EYS: variants seen among roughly 807,000 people sequenced by gnomAD.
EYS encodes protein eyes shut homolog.
Under a neutral mutation model 282.1 loss-of-function variants are expected in EYS, and 250 were observed. The observed-to-expected ratio is 0.89, with a 90% confidence interval of 0.80 to 0.98. The LOEUF (loss-of-function observed/expected upper bound fraction) is 0.98. Among genes scored for constraint, EYS ranks in the 50% least tolerant of loss-of-function variants. EYS has a pLI of 0.00. For missense variants in EYS, 4,016 were observed against 3,709.0 expected, an observed-to-expected ratio of 1.08 and a Z score of -2.15; for synonymous variants, 1,355 against 1,282.9, an observed-to-expected ratio of 1.06 and a Z score of -1.20.
intron 22 of EYS, among the ~76,000 whole-genome samples, chr6:64,648,582 C>G (rs1334559584): frequency 1.3e-5 from 2 of 152,112 alleles, no homozygotes; most frequent in Admixed American, 1.3e-4. Flanking sequence ...TAACACAGTA[C>G]TTCTAAGAGT....
At chr6:65,068,740 T>G (rs564136473) in intron 12 of EYS, among the ~76,000 whole-genome samples, 1 of 152,166 alleles carries the variant, frequency 6.6e-6, no homozygotes, top group African/African-American at 2.4e-5. Context: ...ATGTTACCAA[T>G]TTTTACTTGT....
intron 26 of EYS, among the ~76,000 whole-genome samples, chr6:64,575,104 A>G (rs945492205): frequency 6.6e-6 from 1 of 152,176 alleles, no homozygotes; most frequent in African/African-American, 2.4e-5. Flanking sequence ...AGTGTGATTG[A>G]AAATCAAACA....
intron 5 of EYS, among the ~76,000 whole-genome samples, chr6:65,457,713 G>A (rs181297197): frequency 2.6e-5 from 4 of 152,088 alleles, no homozygotes; most frequent in Non-Finnish European, 5.9e-5. Flanking sequence ...ACATTGTCAC[G>A]GAATCAAGCT....
intron 1 of EYS, among the ~76,000 whole-genome samples, chr6:65,693,766 G>A (rs996957331): frequency 3.2e-4 from 48 of 149,946 alleles, no homozygotes; most frequent in African/African-American, 1.1e-3. Context: ...TGAAGTAAAC[G>A]CAATGAGATA....
intron 12 of EYS, among the ~76,000 whole-genome samples, chr6:65,074,778 G>A (rs567493588): frequency 6.6e-6 from 1 of 152,092 alleles, no homozygotes; most frequent in African/African-American, 2.4e-5. Flanking sequence ...ATAATTGACT[G>A]CTGAGACAGG....
intron 28 of EYS, among the ~76,000 whole-genome samples, chr6:64,433,631 T>G (rs761083902): frequency 1.1e-4 from 17 of 152,038 alleles, no homozygotes; most frequent in Non-Finnish European, 2.2e-4. Flanking sequence ...CAATGGTGTA[T>G]GTAAATTGAA....
chr6:64,941,788 CTT>C (rs1181725504), intron 15 of EYS, among the ~76,000 whole-genome samples: 6 of 152,080 alleles, frequency 3.9e-5, no homozygotes, highest in African/African-American at 1.4e-4. Context: ...AAGAACATGA[CTT>C]TGTTCTTCTT....
intron 22 of EYS, among the ~76,000 whole-genome samples, chr6:64,789,083 A>G (rs777237429): frequency 6.6e-6 from 1 of 152,182 alleles, no homozygotes; most frequent in Non-Finnish European, 1.5e-5. Context: ...TTCCTATGCT[A>G]CTATACAATG....
chr6:65,266,468 T>TTGCA (rs1767755413), intron 12 of EYS, among the ~76,000 whole-genome samples: 1 of 151,948 alleles, frequency 6.6e-6, no homozygotes. Flanking sequence ...CAAAGATTTG[T>TTGCA]TGCATGCATG....
intron 26 of EYS, among the ~76,000 whole-genome samples, chr6:64,552,004 A>G (rs564788246): frequency 6.6e-6 from 1 of 152,138 alleles, no homozygotes; most frequent in Admixed American, 6.5e-5. Flanking sequence ...TCCTGACTTC[A>G]CGTGATTCAC....
At chr6:64,703,055 T>G (rs989641127) in intron 22 of EYS, among the ~76,000 whole-genome samples, 4 of 151,920 alleles carry the variant, frequency 2.6e-5, no homozygotes, top group African/African-American at 9.7e-5. Context: ...CTTCAGAAAT[T>G]TTGCTGTAAT....
intron 33 of EYS, among the ~76,000 whole-genome samples, chr6:64,057,532 C>T (rs1473754442): frequency 6.6e-6 from 1 of 152,022 alleles, no homozygotes; most frequent in Non-Finnish European, 1.5e-5. Flanking sequence ...CAATAGCTTT[C>T]TAACATTTCA....
At chr6:65,018,226 T>G (rs1330572097) in intron 13 of EYS, among the ~76,000 whole-genome samples, 1 of 152,168 alleles carries the variant, frequency 6.6e-6, no homozygotes, top group Admixed American at 6.5e-5. Context: ...AGACAGTTAG[T>G]GTTTGACCAT....
At chr6:64,336,661 C>A (rs528683173) in intron 29 of EYS, among the ~76,000 whole-genome samples, 1 of 151,972 alleles carries the variant, frequency 6.6e-6, no homozygotes, top group Non-Finnish European at 1.5e-5. Context: ...ATTCAACAAG[C>A]GCAGAATACA....
intron 33 of EYS, among the ~76,000 whole-genome samples, chr6:64,026,934 C>A (rs1384455567): frequency 6.6e-6 from 1 of 152,162 alleles, no homozygotes; most frequent in African/African-American, 2.4e-5. Context: ...CTGATAGGTA[C>A]ATAGATGTCC....
intron 35 of EYS, among the ~76,000 whole-genome samples, chr6:63,965,196 ATTCTT>A (rs1246677494): frequency 2.0e-5 from 3 of 152,324 alleles, no homozygotes; most frequent in Middle Eastern, 3.4e-3. Context: ...ATAGGGTAGA[ATTCTT>A]ACTTTGTGTA....
chr6:64,269,107 A>G (rs1209965799), intron 30 of EYS, among the ~76,000 whole-genome samples: 4 of 152,116 alleles, frequency 2.6e-5, no homozygotes, highest in Non-Finnish European at 5.9e-5. Flanking sequence ...GTTCTAATTG[A>G]TTCATCATTG....
At chr6:65,678,431 C>T (rs540428664) in intron 1 of EYS, among the ~76,000 whole-genome samples, 2 of 152,102 alleles carry the variant, frequency 1.3e-5, no homozygotes, top group Admixed American at 6.6e-5. Flanking sequence ...GTATTCTTAT[C>T]TAACAGCATA....
intron 12 of EYS, among the ~76,000 whole-genome samples, chr6:65,227,650 A>T (rs1157724276): frequency 2.0e-5 from 3 of 152,184 alleles, no homozygotes; most frequent in Admixed American, 2.0e-4. Flanking sequence ...TATTAATAAT[A>T]GACAAAAGCT....
Sources: allele counts gnomAD v4.1 joint callset (sites outside exome capture counted in the v4.1 genomes callset), GRCh38; gene constraint gnomAD v4.1.1; transcripts MANE v1.5; gene names NCBI Gene and HGNC (gene_info 2026-07-23, HGNC 2026-07-21).